The following SND1 variants were observed in gnomAD, a reference collection of about 807,000 sequenced individuals.
SND1 encodes the protein staphylococcal nuclease domain-containing protein 1.
Under a neutral mutation model 121.7 loss-of-function variants are expected in SND1, and 38 were observed. The ratio of observed to expected loss-of-function variants is 0.31; its 90% CI spans 0.24 to 0.41. The LOEUF (loss-of-function observed/expected upper bound fraction) is 0.41, where lower values mean the gene tolerates loss of function less well. Ranked by LOEUF, SND1 falls within the 10% of genes least tolerant of loss-of-function variation. SND1 has a pLI of 1.00. For missense variants in SND1, 868 were observed against 1,184.6 expected, an observed-to-expected ratio of 0.73 and a Z score of 3.92; for synonymous variants, 401 against 447.4, an observed-to-expected ratio of 0.90 and a Z score of 1.31.
At chr7:128,038,270 A>G (rs1438738104) in intron 16 of SND1, among the ~76,000 whole-genome samples, 2 of 152,216 alleles carry the variant, frequency 1.3e-5, no homozygotes, top group African/African-American at 2.4e-5. Context: ...GTGTCTGTGT[A>G]TGTGGATGCT....
At chr7:128,064,673 A>G (rs771763408) in intron 16 of SND1, among the ~76,000 whole-genome samples, 1 of 152,216 alleles carries the variant, frequency 6.6e-6, no homozygotes, top group African/African-American at 2.4e-5. Flanking sequence ...GTTGAGTTCT[A>G]TAATTCAGAG....
intron 17 of SND1, among the ~76,000 whole-genome samples, chr7:128,076,225 G>C (rs1309473925): frequency 6.6e-6 from 1 of 152,178 alleles, no homozygotes; most frequent in East Asian, 1.9e-4. Flanking sequence ...TTCCCTGCCA[G>C]GGGCTGTGCT....
In SND1 at chr7:127,729,758, A is replaced by G. The variant is rs879539509; in HGVS notation, c.1152+8358A>G. Reference sequence around the variant, plus strand: ...TAGACTTTAGACTGGATGATGGATTATGGATGAAGCAGCATCATTTCTGTC... The same window carrying G: ...TAGACTTTAGACTGGATGATGGATTGTGGATGAAGCAGCATCATTTCTGTC... On this transcript the variant is annotated intron_variant, in intron 10 of 23. Transcript: ENST00000354725. Among the ~76,000 whole-genome samples, 16 of 152,346 alleles carry G rather than the reference A, an allele frequency of 1.1e-4. No individual in the cohort carries two copies. The Middle Eastern group carries it at 0.014, about 130-fold the overall frequency.
At chr7:128,010,999 C>T (rs1389873694) in intron 16 of SND1, among the ~76,000 whole-genome samples, 2 of 152,092 alleles carry the variant, frequency 1.3e-5, no homozygotes, top group African/African-American at 4.8e-5. Context: ...TTTTGCAGGA[C>T]GTTTTGTTTA....
chr7:128,087,415 G>T (rs1456654578), intron 21 of SND1, among the ~76,000 whole-genome samples: 5 of 152,200 alleles, frequency 3.3e-5, no homozygotes, highest in Non-Finnish European at 7.3e-5. Flanking sequence ...TGCTGTATAG[G>T]CAGGAGGAAT....
chr7:127,923,137 C>T (rs1800755060), intron 14 of SND1, among the ~76,000 whole-genome samples: 1 of 152,148 alleles, frequency 6.6e-6, no homozygotes, highest in Non-Finnish European at 1.5e-5. Context: ...TACAGGCCCG[C>T]ACCACCATGC....
chr7:127,928,503 G>A (rs577478795), intron 14 of SND1, among the ~76,000 whole-genome samples: 1 of 144,616 alleles, frequency 6.9e-6, no homozygotes, highest in Non-Finnish European at 1.5e-5. Context: ...TAGCCTAGGC[G>A]TCGCTTTTTT....
intron 16 of SND1, among the ~76,000 whole-genome samples, chr7:128,037,086 A>C (rs1215353380): frequency 6.6e-6 from 1 of 152,166 alleles, no homozygotes; most frequent in Non-Finnish European, 1.5e-5. Flanking sequence ...TGAGTGACTA[A>C]ATTTGTTTCT....
intron 1 of SND1, among the ~76,000 whole-genome samples, chr7:127,673,615 A>G (rs1020573739): frequency 2.0e-5 from 3 of 152,178 alleles, no homozygotes; most frequent in Admixed American, 1.3e-4. Context: ...CCCGGCCTCT[A>G]TTAATGATTC....
At chr7:127,862,881 T>G (rs929998841) in intron 12 of SND1, among the ~76,000 whole-genome samples, 1 of 152,246 alleles carries the variant, frequency 6.6e-6, no homozygotes, top group African/African-American at 2.4e-5. Context: ...CAGCTTCGTC[T>G]CCTAGATCTC....
At chr7:127,969,400 C>T (rs1249938766) in intron 15 of SND1, among the ~76,000 whole-genome samples, 1 of 152,076 alleles carries the variant, frequency 6.6e-6, no homozygotes, top group African/African-American at 2.4e-5. Flanking sequence ...TCCATTCGCT[C>T]GTATACAAAA....
intron 16 of SND1, chr7:127,998,943 T>G (rs1269860348): frequency 6.6e-6 from 1 of 152,300 alleles, no homozygotes; most frequent in African/African-American, 2.4e-5. Flanking sequence ...GCTGCTGGCT[T>G]AGCTTGACTG....
intron 15 of SND1, among the ~76,000 whole-genome samples, chr7:127,947,575 G>GC (rs11424087): frequency 1 from 152,366 of 152,368 alleles, 76,182 homozygotes; most frequent in Middle Eastern, 1. Context: ...GGCCCTCAAG[G>GC]TGGCGCTTCC....
intron 9 of SND1, among the ~76,000 whole-genome samples, chr7:127,717,871 G>A (rs922824270): frequency 3.3e-5 from 5 of 152,148 alleles, no homozygotes; most frequent in African/African-American, 1.2e-4. Context: ...AGGGTTTTCA[G>A]AATCTGAATA....
chr7:127,915,856 A>G (rs1043827808), intron 14 of SND1, among the ~76,000 whole-genome samples: 2 of 152,240 alleles, frequency 1.3e-5, no homozygotes, highest in African/African-American at 4.8e-5. Flanking sequence ...ACCAGTCAGC[A>G]TTGCTGCAAT....
intron 15 of SND1, among the ~76,000 whole-genome samples, chr7:127,977,927 A>AG (rs1802162415): frequency 6.6e-6 from 1 of 152,164 alleles, no homozygotes; most frequent in African/African-American, 2.4e-5. Context: ...CTGGAAGAGG[A>AG]GGAGGTAGGT....
rs1283976908 is a variant in SND1, at chr7:128,029,498, G to A, written c.1779+38442G>A. On this transcript the variant is annotated intron_variant, in intron 16 of 23. Transcript: ENST00000354725. The surrounding 1 kb of genome is among the most constrained non-coding windows in gnomAD (Gnocchi z 4.2). ...TCCCATTGGGCAGCAACCACTTCAC[G>A]GAGGACATAGGGGGAGTCCGACACT... The A allele has an allele frequency of 3.7e-6, 6 of 1,614,094 alleles. No homozygotes were observed. The highest frequency in any genetic ancestry group is 2.2e-5 in the South Asian group (2 of 91,078).
chr7:127,701,028 G>A, intron 4 of SND1, 135 bp from the exon 5 acceptor site: 1 of 912,558 alleles, frequency 1.1e-6, no homozygotes. Flanking sequence ...ATAGGCTTGG[G>A]TCTTAAGCCA....
chr7:127,899,735 T>A (rs918731644), intron 13 of SND1, among the ~76,000 whole-genome samples: 2 of 152,144 alleles, frequency 1.3e-5, no homozygotes, highest in Admixed American at 1.3e-4. Flanking sequence ...TCAAAGTGTG[T>A]GTAGCTTCAA....
Sources: allele counts gnomAD v4.1 joint callset (sites outside exome capture counted in the v4.1 genomes callset), GRCh38; gene constraint gnomAD v4.1.1; non-coding constraint Gnocchi (gnomAD v3.1); transcripts MANE v1.5; gene names NCBI Gene and HGNC (gene_info 2026-07-23, HGNC 2026-07-21).